The following BAZ2B variants were observed in gnomAD, a reference collection of about 807,000 sequenced individuals.
BAZ2B encodes the protein bromodomain adjacent to zinc finger domain 2B, also known as bromodomain adjacent to zinc finger domain protein 2B.
Under a neutral mutation model 246.0 loss-of-function variants are expected in BAZ2B, and 91 were observed. The ratio of observed to expected loss-of-function variants is 0.37; its 90% CI spans 0.31 to 0.44. The LOEUF is 0.44. Among genes scored for constraint, BAZ2B ranks in the 20% least tolerant of loss-of-function variants. The probability of loss-of-function intolerance (pLI) is 1.00; values close to 1 mark genes in which losing one functional copy is unlikely to be tolerated. For missense variants in BAZ2B, 2,332 were observed against 2,533.7 expected (o/e 0.92, Z 1.71); for synonymous variants, 855 against 860.0 (o/e 0.99, Z 0.10).
chr2:159,437,916 C>CA (rs35619012), intron 8 of BAZ2B: 326 of 140,716 alleles, frequency 2.3e-3, no homozygotes, highest in South Asian at 9.5e-3. Context: ...GACCCTGCCT[C>CA]AAAAAAAAAA....
At chr2:159,321,900 A>C (rs2148729897) in intron 36 of BAZ2B, 2 of 152,354 alleles carry the variant, frequency 1.3e-5, no homozygotes, top group South Asian at 4.1e-4. Context: ...AAAGAGTAGA[A>C]GTGGATTATC....
At chr2:159,382,884 C>A (rs1011554791) in intron 24 of BAZ2B, 82 bp from the exon 25 acceptor site, 7 of 1,496,782 alleles carry the variant, frequency 4.7e-6, no homozygotes, top group Non-Finnish European at 6.3e-6. Context: ...GAGTTGTATG[C>A]AAAAATACCT....
At chr2:159,454,108 G>C (rs1222613080) in intron 3 of BAZ2B, among the ~76,000 whole-genome samples, 2 of 151,862 alleles carry the variant, frequency 1.3e-5, no homozygotes, top group South Asian at 2.1e-4. Flanking sequence ...CCAATTTTCT[G>C]TTAATATATA....
At chr2:159,489,191 T>C (rs1373290680) in intron 2 of BAZ2B, among the ~76,000 whole-genome samples, 1 of 151,774 alleles carries the variant, frequency 6.6e-6, no homozygotes, top group Non-Finnish European at 1.5e-5. Context: ...ACAAACTTGA[T>C]AGAAATGGAA....
chr2:159,683,256 T>C, the BAZ2B span, among the ~76,000 whole-genome samples: 2 of 152,184 alleles, frequency 1.3e-5, no homozygotes, highest in African/African-American at 4.8e-5. Context: ...GTTCACACTA[T>C]TTTATTTAGA....
intron 2 of BAZ2B, among the ~76,000 whole-genome samples, chr2:159,518,615 C>A (rs2083700326): frequency 6.6e-6 from 1 of 152,148 alleles, no homozygotes; most frequent in Non-Finnish European, 1.5e-5. Flanking sequence ...ATAGGTGTTA[C>A]ATAATTATTT....
chr2:159,501,184 T>TTA (rs1553681049), intron 2 of BAZ2B, among the ~76,000 whole-genome samples: 1 of 80,804 alleles, frequency 1.2e-5, no homozygotes, highest in Non-Finnish European at 2.5e-5. Context: ...TTATATATAT[T>TTA]TATATATAAT....
intron 16 of BAZ2B, among the ~76,000 whole-genome samples, chr2:159,402,551 T>C (rs1285118626): frequency 6.6e-6 from 1 of 152,196 alleles, no homozygotes; most frequent in Non-Finnish European, 1.5e-5. Flanking sequence ...GATTGATCCA[T>C]ATTTGAAGTA....
In BAZ2B at chr2:159,600,148, G is replaced by A. The variant is rs77273040; in HGVS notation, c.-46+16094C>T. ...TGTAGCTTTAGTAGTTGTACATAGT[G>A]CATAGGCTCAAGGATACGCACAAGT... On this transcript the variant is annotated intron_variant, in intron 1 of 36. Coordinates refer to ENST00000392783, the MANE Select transcript of BAZ2B (RefSeq NM_013450.4). 1.4e-3 allele frequency among the ~76,000 whole-genome samples: 213 copies of A among 152,194 alleles called. 7 individuals carry two copies. The East Asian group carries it at 0.04, about 29-fold the overall frequency.
Position 159,373,154 on chromosome 2 carries a change from C to G in BAZ2B, c.4104G>C (p.Ala1368=). The G allele has an allele frequency of 1.2e-6, 2 of 1,613,834 alleles. No homozygotes were observed. Among genetic ancestry groups the G allele is most frequent in the Non-Finnish European group, 1.7e-6 (2 of 1,179,854 alleles). ...ACATCACTGAACGCAATGAGTGAGA[C>G]GCATCAAAGAGCTTCCTTCTGTACT... is the stretch of plus-strand genomic sequence containing the variant. ...QSQYRRKLFD[A]SHSLRSVMFG... Residue 1368 remains alanine (A), a synonymous_variant, in exon 27 of 37, where the codon GCG becomes GCC. Transcript: ENST00000392783.
In BAZ2B at chr2:159,433,278, T is replaced by C. The variant is rs2071484224; in HGVS notation, c.1379A>G (p.Asn460Ser). 5.0e-6 allele frequency: 8 copies of C among 1,614,162 alleles called. No homozygotes were observed. The highest frequency in any genetic ancestry group is 6.8e-6 in the Non-Finnish European group (8 of 1,180,012). The change falls in exon 9 of 37, where the codon AAT (asparagine) becomes AGT (serine). Residue 460 changes from asparagine to serine, a missense_variant. This residue lies in a region of BAZ2B where 651 missense variants were observed against 650.9 expected (regional missense o/e 1.00). Transcript: ENST00000392783. Reference protein sequence around the residue: ...SLKKVIAALSNPKATSSSPAH... With the variant: ...SLKKVIAALSSPKATSSSPAH... ...TGGTGAACTAGAGGTTGCTTTTGGA[T>C]TTGACAAAGCTGCAATAACCTTCTT...
chr2:159,327,639 G>A (rs1443622613), intron 34 of BAZ2B, among the ~76,000 whole-genome samples: 3 of 152,160 alleles, frequency 2.0e-5, no homozygotes, highest in Admixed American at 2.0e-4. Flanking sequence ...TTAATGACAA[G>A]TTAGATTAAA....
chr2:159,622,971 CAA>C, the BAZ2B span, among the ~76,000 whole-genome samples: 23 of 70,546 alleles, frequency 3.3e-4, no homozygotes, highest in Admixed American at 4.9e-4. Flanking sequence ...GACCCTGTCT[CAA>C]AAAAAAAAAA....
rs1378644484 is a variant in BAZ2B at position 159,559,686 on chromosome 2, A to G, written c.-45-3821T>C. On this transcript the variant is annotated intron_variant, in intron 1 of 36. Transcript: ENST00000392783. ...GTACTTGCAATTGCATGAGGAAAAA[A>G]ATATGTGAAATTAAAATGACACTAG... Among the ~76,000 whole-genome samples, 5 of 152,274 alleles carry G rather than the reference A, an allele frequency of 3.3e-5. No individual in the cohort carries two copies. In the East Asian group the frequency reaches 9.6e-4, roughly 29 times the overall value.
chr2:159,669,064 A>AGAAAG, the BAZ2B span, among the ~76,000 whole-genome samples: 757 of 151,094 alleles, frequency 5.0e-3, 6 homozygotes, highest in African/African-American at 0.016. Context: ...TCTCAAAAAA[A>AGAAAG]AAAGAAAGAA....
At chr2:159,565,131 A>G (rs1215347623) in intron 1 of BAZ2B, among the ~76,000 whole-genome samples, 1 of 152,162 alleles carries the variant, frequency 6.6e-6, no homozygotes, top group Non-Finnish European at 1.5e-5. Context: ...TTGGCCTCCC[A>G]AAGTGCTGGG....
At chr2:159,345,614 T>C (rs1173107171) in intron 31 of BAZ2B, among the ~76,000 whole-genome samples, 1 of 152,188 alleles carries the variant, frequency 6.6e-6, no homozygotes, top group Admixed American at 6.5e-5. Context: ...ACACTCGGAC[T>C]TTACACATAT....
At chr2:159,666,423 C>G in the BAZ2B span, among the ~76,000 whole-genome samples, 1 of 151,972 alleles carries the variant, frequency 6.6e-6, no homozygotes, top group East Asian at 1.9e-4. Flanking sequence ...CCATGCCTAG[C>G]TAAATTTTTG....
chr2:159,601,135 A>C (rs1692033982), intron 1 of BAZ2B, among the ~76,000 whole-genome samples: 1 of 152,174 alleles, frequency 6.6e-6, no homozygotes, highest in African/African-American at 2.4e-5. Flanking sequence ...AATATATGTA[A>C]ACTATACTTC....
Sources: allele counts gnomAD v4.1 joint callset (sites outside exome capture counted in the v4.1 genomes callset), GRCh38; gene constraint gnomAD v4.1.1; regional missense constraint gnomAD v4.1.1; transcripts MANE v1.5; gene names NCBI Gene and HGNC (gene_info 2026-07-23, HGNC 2026-07-21).